Variants in SCML4 observed in about 807,000 individuals in gnomAD.
SCML4 encodes the protein Scm polycomb group protein like 4.
Under a neutral mutation model 41.1 loss-of-function variants are expected in SCML4, and 34 were observed. That is an observed-to-expected ratio of 0.83 (90% CI 0.63 to 1.10). SCML4 has a LOEUF of 1.10. Ranked by LOEUF, SCML4 falls within the 50% of genes least tolerant of loss-of-function variation. The pLI, the probability that SCML4 is intolerant of heterozygous loss-of-function variation, is 0.00. For synonymous variants in SCML4, 214 were observed against 220.9 expected, an observed-to-expected ratio of 0.97 and a Z score of 0.28; for missense variants, 522 against 534.1, an observed-to-expected ratio of 0.98 and a Z score of 0.22.
chr6:107,724,256 G>A (rs1775730827), intron 5 of SCML4, among the ~76,000 whole-genome samples: 1 of 152,180 alleles, frequency 6.6e-6, no homozygotes, highest in Non-Finnish European at 1.5e-5. Flanking sequence ...AACAAAAAGA[G>A]ACGGTCCATT....
rs141800193 is a variant in SCML4 at position 107,756,140 on chromosome 6, G to A, written c.157-6327C>T. 6.6e-3 allele frequency among the ~76,000 whole-genome samples: 1,003 copies of A among 152,218 alleles called. 11 individuals carry two copies. The highest frequency in any genetic ancestry group is 0.022 in the African/African-American group (925 of 41,498). On this transcript the variant is annotated intron_variant, in intron 2 of 7. Transcript: ENST00000369020. The stretch of plus-strand genomic sequence containing the variant: ...CACCCCTCCCTCAAGTAGGTGAAGT[G>A]CAATTCCCTACTCCTTACGGATGGG...
chr6:107,826,801 C>T (rs1009538526), upstream of SCML4, among the ~76,000 whole-genome samples: 4 of 152,186 alleles, frequency 2.6e-5, no homozygotes, highest in Admixed American at 1.3e-4. Flanking sequence ...CGGTGGCTCA[C>T]GCCTGTAATC....
chr6:107,774,119 G>C (rs1780731050), intron 1 of SCML4, among the ~76,000 whole-genome samples: 1 of 152,124 alleles, frequency 6.6e-6, no homozygotes, highest in South Asian at 2.1e-4. Flanking sequence ...TGAATGCACT[G>C]TTAAACAGAA....
intron 1 of SCML4, among the ~76,000 whole-genome samples, chr6:107,795,675 G>A (rs1417906129): frequency 2.0e-5 from 3 of 152,020 alleles, no homozygotes; most frequent in Non-Finnish European, 4.4e-5. Context: ...TTACAGGCGC[G>A]CACCACCACA....
intron 1 of SCML4, among the ~76,000 whole-genome samples, chr6:107,803,244 G>A (rs1335091058): frequency 9.7e-5 from 13 of 134,414 alleles, no homozygotes; most frequent in Non-Finnish European, 1.3e-4. Context: ...CGGCCGCCCT[G>A]TCTGAGAAGT....
rs776487411 is a variant in SCML4, at chr6:107,720,699, T to C, written c.973+4A>G. 1.3e-6 allele frequency: 2 copies of C among 1,539,090 alleles called. No homozygotes were observed. The highest frequency in any genetic ancestry group is 1.7e-6 in the Non-Finnish European group (2 of 1,145,336). Reference sequence around the variant, plus strand: ...GTGGGAAGCTGATGCATGCATTACATTACCACATCTGTTTCCTTCAAGAGA... The same window carrying C: ...GTGGGAAGCTGATGCATGCATTACACTACCACATCTGTTTCCTTCAAGAGA... On this transcript the variant is annotated splice_donor_region_variant and intron_variant, in intron 6 of 7. Coordinates refer to ENST00000369020, the MANE Select transcript of SCML4 (RefSeq NM_198081.5).
At chr6:107,774,168 G>A (rs944236074) in intron 1 of SCML4, among the ~76,000 whole-genome samples, 14 of 152,134 alleles carry the variant, frequency 9.2e-5, no homozygotes, top group African/African-American at 2.7e-4. Flanking sequence ...TTCTGGATAC[G>A]AATTTTTTTT....
At chr6:107,780,725 T>C (rs1048838782) in intron 1 of SCML4, among the ~76,000 whole-genome samples, 1 of 142,350 alleles carries the variant, frequency 7.0e-6, no homozygotes, top group Non-Finnish European at 1.5e-5. Context: ...ATAATAATAA[T>C]AAAACTTAAA....
At chr6:107,803,866 G>A (rs1783500618) in intron 1 of SCML4, among the ~76,000 whole-genome samples, 2 of 151,372 alleles carry the variant, frequency 1.3e-5, no homozygotes, top group East Asian at 1.9e-4. Flanking sequence ...CTGGTTAAGA[G>A]TCATCACCAC....
chr6:107,766,402 G>A (rs1780047747), intron 2 of SCML4, among the ~76,000 whole-genome samples: 1 of 149,794 alleles, frequency 6.7e-6, no homozygotes, highest in Non-Finnish European at 1.5e-5. Context: ...CAAGGCTGCA[G>A]TGAGCTATGA....
At chr6:107,714,817 A>G (rs975648971) in intron 6 of SCML4, among the ~76,000 whole-genome samples, 1 of 151,878 alleles carries the variant, frequency 6.6e-6, no homozygotes, top group Non-Finnish European at 1.5e-5. Context: ...CATTCCATAA[A>G]TGGCCAGTAG....
intron 6 of SCML4, chr6:107,718,630 T>C (rs1223348743): frequency 2.6e-5 from 4 of 152,246 alleles, no homozygotes; most frequent in Middle Eastern, 3.2e-3. Flanking sequence ...GGTCACCAGT[T>C]GGACTGAACA....
chr6:107,740,247 G>C, intron 5 of SCML4: 2 of 448,284 alleles, frequency 4.5e-6, no homozygotes, highest in Non-Finnish European at 9.1e-6. Flanking sequence ...TAAAGTGTGA[G>C]ACCACCATGC....
upstream of SCML4, among the ~76,000 whole-genome samples, chr6:107,828,008 AT>A (rs1250056592): frequency 2.0e-5 from 3 of 152,252 alleles, no homozygotes; most frequent in Non-Finnish European, 2.9e-5. Context: ...GATAGCTAAC[AT>A]TTACTGAAGA....
chr6:107,709,824 C>T (rs1774062651), intron 6 of SCML4, among the ~76,000 whole-genome samples: 1 of 152,200 alleles, frequency 6.6e-6, no homozygotes, highest in Non-Finnish European at 1.5e-5. Context: ...GATTCTCCTG[C>T]CTCAGCCTTC....
At chr6:107,765,877 T>TA (rs1437129449) in intron 2 of SCML4, among the ~76,000 whole-genome samples, 1 of 152,224 alleles carries the variant, frequency 6.6e-6, no homozygotes, top group Non-Finnish European at 1.5e-5. Flanking sequence ...TTATAGATTT[T>TA]AAAAAATGAT....
chr6:107,789,735 T>C (rs565883592), intron 1 of SCML4, among the ~76,000 whole-genome samples: 170 of 152,292 alleles, frequency 1.1e-3, no homozygotes, highest in Middle Eastern at 0.01. Context: ...GCACCACACC[T>C]GTGGAAGGGA....
chr6:107,834,258 A>G, the SCML4 span, among the ~76,000 whole-genome samples: 2 of 152,142 alleles, frequency 1.3e-5, no homozygotes, highest in African/African-American at 4.8e-5. Context: ...CTCCTCCCCA[A>G]CCCTGTGCTG....
chr6:107,790,280 G>T (rs1296423229), intron 1 of SCML4, among the ~76,000 whole-genome samples: 1 of 152,168 alleles, frequency 6.6e-6, no homozygotes, highest in Non-Finnish European at 1.5e-5. Flanking sequence ...GAAAATCTAT[G>T]TGACCTCTTG....
Sources: gnomAD v4.1 joint callset for allele counts (sites outside exome capture counted in the v4.1 genomes callset) on GRCh38, gnomAD v4.1.1 for gene constraint, MANE v1.5 for transcripts, NCBI Gene and HGNC (gene_info 2026-07-23, HGNC 2026-07-21) for gene names.